CDH6: variants seen among roughly 807,000 people sequenced by gnomAD.
CDH6 encodes cadherin 6, also known as cadherin-6.
In CDH6, 31 loss-of-function variants were observed where a neutral mutation model predicts 78.0. The observed-to-expected ratio is 0.40, with a 90% confidence interval of 0.30 to 0.54. The LOEUF is 0.54. Ranked by LOEUF, CDH6 falls within the 20% of genes least tolerant of loss-of-function variation. The pLI is 0.56. For synonymous variants in CDH6, 376 were observed against 368.8 expected, an observed-to-expected ratio of 1.02 and a Z score of -0.23; for missense variants, 724 against 975.9, an observed-to-expected ratio of 0.74 and a Z score of 3.44.
At chr5:31,302,834 AAG>A (rs1437029992) in intron 6 of CDH6, among the ~76,000 whole-genome samples, 1 of 146,386 alleles carries the variant, frequency 6.8e-6, no homozygotes, top group Non-Finnish European at 1.5e-5. Context: ...GAAAGAAAGA[AAG>A]AAAGAAAGAA....
intron 7 of CDH6, among the ~76,000 whole-genome samples, chr5:31,311,961 C>G (rs988722459): frequency 3.3e-5 from 5 of 152,170 alleles, no homozygotes; most frequent in African/African-American, 1.2e-4. Context: ...CACTAGTCTT[C>G]CATCAGTATT....
intron 1 of CDH6, among the ~76,000 whole-genome samples, chr5:31,220,538 A>G (rs1042353694): frequency 6.6e-6 from 1 of 152,188 alleles, no homozygotes; most frequent in Admixed American, 6.5e-5. Flanking sequence ...GGTGCTAAGT[A>G]TACATAGGTG....
At chr5:31,213,365 C>G (rs1163660819) in intron 1 of CDH6, among the ~76,000 whole-genome samples, 1 of 152,180 alleles carries the variant, frequency 6.6e-6, no homozygotes, top group Non-Finnish European at 1.5e-5. Flanking sequence ...CCAAATCACA[C>G]TCACAGGAAT....
chr5:31,316,926 A>G (rs1738341826), intron 9 of CDH6, among the ~76,000 whole-genome samples: 1 of 152,206 alleles, frequency 6.6e-6, no homozygotes, highest in African/African-American at 2.4e-5. Flanking sequence ...CTAAGAGTGC[A>G]TTTCTAGACA....
chr5:31,281,055 A>T (rs980106680), intron 2 of CDH6, among the ~76,000 whole-genome samples: 10 of 152,146 alleles, frequency 6.6e-5, no homozygotes, highest in Non-Finnish European at 1.2e-4. Flanking sequence ...GAATTCAAGT[A>T]AAAAAATAGT....
intron 1 of CDH6, among the ~76,000 whole-genome samples, chr5:31,215,380 T>C (rs1256013166): frequency 6.6e-6 from 1 of 152,132 alleles, no homozygotes; most frequent in Non-Finnish European, 1.5e-5. Context: ...TAATAAAAAA[T>C]GTAAAACCAA....
intron 2 of CDH6, among the ~76,000 whole-genome samples, chr5:31,292,031 G>T (rs1028625688): frequency 6.6e-6 from 1 of 152,166 alleles, no homozygotes; most frequent in Non-Finnish European, 1.5e-5. Context: ...ATATGAGGAA[G>T]TTGCACCAAA....
chr5:31,305,845 TG>T (rs1737977615), intron 7 of CDH6, among the ~76,000 whole-genome samples: 1 of 152,242 alleles, frequency 6.6e-6, no homozygotes, highest in African/African-American at 2.4e-5. Flanking sequence ...TTTTATTGTT[TG>T]CTTTTTGTTT....
At chr5:31,235,283 G>A (rs1235169339) in intron 1 of CDH6, among the ~76,000 whole-genome samples, 2 of 96,574 alleles carry the variant, frequency 2.1e-5, no homozygotes, top group Non-Finnish European at 4.0e-5. Flanking sequence ...CAAGCCCAAA[G>A]TTAGAAAAAT....
At chr5:31,203,249 T>A (rs1740414827) in intron 1 of CDH6, among the ~76,000 whole-genome samples, 1 of 150,678 alleles carries the variant, frequency 6.6e-6, no homozygotes, top group South Asian at 2.1e-4. Flanking sequence ...TTTTTTTATT[T>A]ATTTTTTATT....
At chr5:31,291,673 G>C (rs1293371473) in intron 2 of CDH6, among the ~76,000 whole-genome samples, 1 of 152,184 alleles carries the variant, frequency 6.6e-6, no homozygotes, top group Non-Finnish European at 1.5e-5. Context: ...TGGTGACATT[G>C]CTTTCCTTAC....
chr5:31,195,585 G>A (rs578062165), intron 1 of CDH6, among the ~76,000 whole-genome samples: 9 of 152,252 alleles, frequency 5.9e-5, no homozygotes, highest in African/African-American at 1.7e-4. Flanking sequence ...TTAGAGAACC[G>A]TAAAACCAGT....
At chr5:31,263,581 C>T (rs1742269531) in intron 1 of CDH6, among the ~76,000 whole-genome samples, 1 of 151,858 alleles carries the variant, frequency 6.6e-6, no homozygotes, top group Non-Finnish European at 1.5e-5. Context: ...CTGCACTTGG[C>T]CTCTCTTCCT....
At chr5:31,223,988 T>C (rs1224060836) in intron 1 of CDH6, among the ~76,000 whole-genome samples, 1 of 152,202 alleles carries the variant, frequency 6.6e-6, no homozygotes, top group African/African-American at 2.4e-5. Flanking sequence ...ATGTACTAAG[T>C]GCTTCTGTGG....
chr5:31,267,253 CA>C, intron 1 of CDH6, 92 bp from the exon 2 acceptor site: 1 of 499,266 alleles, frequency 2.0e-6, no homozygotes. Context: ...TTTTGCTATT[CA>C]AATTTCTGTC....
At chr5:31,220,614 TAAAC>T (rs1219740755) in intron 1 of CDH6, among the ~76,000 whole-genome samples, 1 of 152,036 alleles carries the variant, frequency 6.6e-6, no homozygotes, top group Non-Finnish European at 1.5e-5. Context: ...AAAAAAAAGG[TAAAC>T]AAATAAGTCA....
intron 1 of CDH6, among the ~76,000 whole-genome samples, chr5:31,203,233 C>CTTTT (rs10656122): frequency 1.6e-5 from 2 of 127,232 alleles, no homozygotes; most frequent in African/African-American, 3.2e-5. Flanking sequence ...CAGGCAGGTC[C>CTTTT]TTTTTTTTTT....
intron 1 of CDH6, among the ~76,000 whole-genome samples, chr5:31,242,218 A>G (rs935666988): frequency 1.3e-5 from 2 of 152,200 alleles, no homozygotes; most frequent in African/African-American, 4.8e-5. Context: ...AAAATAAAAT[A>G]TTTACAAGTG....
At chr5:31,265,787 T>TA (rs1742329760) in intron 1 of CDH6, among the ~76,000 whole-genome samples, 1 of 142,766 alleles carries the variant, frequency 7.0e-6, no homozygotes, top group Admixed American at 7.0e-5. Context: ...TTTTTTTTTT[T>TA]TTTTTGAGAT....
Sources: allele counts gnomAD v4.1 joint callset (sites outside exome capture counted in the v4.1 genomes callset), GRCh38; gene constraint gnomAD v4.1.1; transcripts MANE v1.5; gene names NCBI Gene and HGNC (gene_info 2026-07-23, HGNC 2026-07-21).